Variants in ACAD11 observed in about 807,000 individuals in gnomAD.
The protein encoded by ACAD11 is acyl-CoA dehydrogenase family member 11, also known as acyl-Coenzyme A dehydrogenase family, member 11.
ACAD11 carries 83 observed loss-of-function variants against 102.2 expected under a neutral mutation model. The observed-to-expected ratio is 0.81, with a 90% CI of 0.68 to 0.97. The LOEUF is 0.97. ACAD11 is among the 50% of genes least tolerant of loss of function. ACAD11 has a pLI of 0.00. For missense variants in ACAD11, 901 were observed against 951.7 expected (o/e 0.95, Z 0.70); for synonymous variants, 324 against 319.8 (o/e 1.01, Z -0.14).
intron 12 of ACAD11, among the ~76,000 whole-genome samples, chr3:132,604,463 T>C (rs954644413): frequency 6.6e-6 from 1 of 152,186 alleles, no homozygotes; most frequent in Non-Finnish European, 1.5e-5. Flanking sequence ...GTATGCTATG[T>C]TATACAAAAC....
intron 11 of ACAD11, among the ~76,000 whole-genome samples, chr3:132,610,846 A>G (rs1030051791): frequency 1.3e-5 from 2 of 152,174 alleles, no homozygotes. Context: ...TCATGGAAAA[A>G]GAGGGAATCC....
rs142799108 is a variant in ACAD11 at position 132,659,706 on chromosome 3, G to A, written c.46C>T (p.Pro16Ser). 2.5e-5 allele frequency: 41 copies of A among 1,610,426 alleles called. No homozygotes were observed. In the African/African-American group the frequency reaches 4.4e-4, roughly 17 times the overall value. Residue 16 changes from proline (P) to serine (S), a missense_variant, in exon 1 of 20, where the codon CCC becomes TCC. By Grantham distance (74) the Pro-to-Ser change is moderately conservative. Transcript: ENST00000264990. ...GACTTGCTGTCGAACTTGTGCTGGGGCAGCACTTCGGCCAAATCGGACTCG... is the reference window on the plus strand; with the variant it reads ...GACTTGCTGTCGAACTTGTGCTGGGACAGCACTTCGGCCAAATCGGACTCG... ...TGESDLAEVLPQHKFDSKSLE... is the reference protein window; with the variant it reads ...TGESDLAEVLSQHKFDSKSLE...
chr3:132,599,253 A>G (rs1278838737), intron 13 of ACAD11, among the ~76,000 whole-genome samples: 1 of 152,154 alleles, frequency 6.6e-6, no homozygotes, highest in Non-Finnish European at 1.5e-5. Context: ...CACGCCTGTA[A>G]TCCCAGCACT....
chr3:132,628,608 C>A (rs1939916310), intron 7 of ACAD11, among the ~76,000 whole-genome samples, 162 bp from the exon 8 acceptor site: 1 of 152,146 alleles, frequency 6.6e-6, no homozygotes, highest in Non-Finnish European at 1.5e-5. Context: ...GGTAATTACA[C>A]CCTTCTAAAG....
At chr3:132,633,454 T>C (rs1054440570) in intron 5 of ACAD11, among the ~76,000 whole-genome samples, 1 of 152,208 alleles carries the variant, frequency 6.6e-6, no homozygotes, top group African/African-American at 2.4e-5. Flanking sequence ...AGCTTTTTGA[T>C]GTGCTGCTGG....
At chr3:132,597,858 G>A (rs1357690863) in intron 13 of ACAD11, among the ~76,000 whole-genome samples, 1 of 152,056 alleles carries the variant, frequency 6.6e-6, no homozygotes, top group East Asian at 1.9e-4. Context: ...TTCATACTGT[G>A]TTAATAATTA....
chr3:132,632,869 G>T (rs1378760124), intron 5 of ACAD11, among the ~76,000 whole-genome samples: 5 of 151,950 alleles, frequency 3.3e-5, no homozygotes, highest in Non-Finnish European at 4.4e-5. Flanking sequence ...TCATGATTTG[G>T]CTCTCTGTCT....
chr3:132,609,037 G>C (rs1302759419), intron 11 of ACAD11, among the ~76,000 whole-genome samples: 1 of 152,160 alleles, frequency 6.6e-6, no homozygotes, highest in Admixed American at 6.6e-5. Flanking sequence ...GCTCCTGAAT[G>C]ACTACTGGGT....
chr3:132,610,449 A>G (rs897409199), intron 11 of ACAD11, among the ~76,000 whole-genome samples: 1 of 152,150 alleles, frequency 6.6e-6, no homozygotes, highest in Non-Finnish European at 1.5e-5. Flanking sequence ...TTTTTTGAAA[A>G]GATCAACAAA....
chr3:132,590,344 T>C (rs1011086696), intron 13 of ACAD11, among the ~76,000 whole-genome samples: 1 of 152,156 alleles, frequency 6.6e-6, no homozygotes, highest in Non-Finnish European at 1.5e-5. Flanking sequence ...GCAATCTCCC[T>C]GCTCCCAGGT....
chr3:132,634,936 GGA>G (rs1940216481), intron 5 of ACAD11, among the ~76,000 whole-genome samples: 1 of 151,092 alleles, frequency 6.6e-6, no homozygotes, highest in African/African-American at 2.4e-5. Flanking sequence ...GATAGCATTA[GGA>G]GAGATACCTA....
intron 7 of ACAD11, 115 bp downstream of exon 7, chr3:132,630,322 T>C: frequency 8.5e-7 from 1 of 1,173,880 alleles, no homozygotes; most frequent in East Asian, 2.7e-5. Context: ...TACCTGTCAT[T>C]ATGATAAGCC....
intron 15 of ACAD11, 157 bp downstream of exon 15, chr3:132,578,639 C>A: frequency 1.6e-6 from 1 of 613,136 alleles, no homozygotes; most frequent in Non-Finnish European, 2.7e-6. Flanking sequence ...ATTGGCTCTA[C>A]TCTGAACTCC....
chr3:132,590,675 T>A (rs1231360002), intron 13 of ACAD11, among the ~76,000 whole-genome samples: 1 of 152,194 alleles, frequency 6.6e-6, no homozygotes, highest in African/African-American at 2.4e-5. Context: ...CATCTGTTAT[T>A]TTTTGACTTT....
intron 17 of ACAD11, among the ~76,000 whole-genome samples, chr3:132,569,351 G>A (rs1267034208): frequency 1.3e-5 from 2 of 152,158 alleles, no homozygotes; most frequent in Non-Finnish European, 2.9e-5. Context: ...TGGAGGGGAT[G>A]TGGAGAAACT....
chr3:132,644,617 C>A (rs541202304), intron 2 of ACAD11, among the ~76,000 whole-genome samples, 180 bp downstream of exon 2: 2 of 152,106 alleles, frequency 1.3e-5, no homozygotes, highest in Non-Finnish European at 2.9e-5. Context: ...TACATTTCAA[C>A]CTCAAATAAT....
chr3:132,623,511 G>A (rs1043146983), intron 9 of ACAD11, among the ~76,000 whole-genome samples: 3 of 121,284 alleles, frequency 2.5e-5, no homozygotes, highest in South Asian at 2.6e-4. Context: ...GGTACAGTAC[G>A]ATTTTTTTTT....
rs749021652 is a variant in ACAD11 at position 132,642,853 on chromosome 3, A to C, written c.250-51T>G. On this transcript the variant is annotated intron_variant, in intron 2 of 19. Transcript: ENST00000264990. The stretch of plus-strand genomic sequence containing the variant: ...AATCAGAGAAACTGATTTAATTGTA[A>C]TTAAATTTAATAACTACTTATGAGC... The C allele has an allele frequency of 1.9e-6, 3 of 1,558,054 alleles. No homozygotes were observed. The South Asian group carries it at 3.5e-5, about 18-fold the overall frequency.
chr3:132,630,941 T>C lies in ACAD11; in HGVS notation c.842-383A>G, dbSNP rs368090752. 5.3e-5 allele frequency among the ~76,000 whole-genome samples: 8 copies of C among 152,080 alleles called. No homozygotes were observed. The East Asian group carries it at 7.7e-4, about 15-fold the overall frequency. On this transcript the variant is annotated intron_variant, in intron 6 of 19. Coordinates refer to ENST00000264990, the MANE Select transcript of ACAD11 (RefSeq NM_032169.5). ...AAAAAATTAGCTGGGCATGGTGGTGTGTGCCTGTAGTCCTAGCTACTCAGA... is the reference window on the plus strand; with the variant it reads ...AAAAAATTAGCTGGGCATGGTGGTGCGTGCCTGTAGTCCTAGCTACTCAGA...
Sources: gnomAD v4.1 joint callset for allele counts (sites outside exome capture counted in the v4.1 genomes callset) on GRCh38, gnomAD v4.1.1 for gene constraint, MANE v1.5 for transcripts, NCBI Gene and HGNC (gene_info 2026-07-23, HGNC 2026-07-21) for gene names.